The following B3GALT1 variants were observed in gnomAD, a reference collection of about 807,000 sequenced individuals.
B3GALT1 encodes the protein UDP-Gal:betaGlcNAc beta 1,3-galactosyltransferase, polypeptide 1.
B3GALT1 carries 10 observed loss-of-function variants against 23.2 expected under a neutral mutation model. The observed-to-expected ratio is 0.43, with a 90% confidence interval of 0.27 to 0.73. The LOEUF is 0.73. B3GALT1 is among the 30% of genes least tolerant of loss of function. B3GALT1 has a pLI of 0.21. For missense variants in B3GALT1, 299 were observed against 405.4 expected, an observed-to-expected ratio of 0.74 and a Z score of 2.25; for synonymous variants, 156 against 141.5, an observed-to-expected ratio of 1.10 and a Z score of -0.73.
In B3GALT1 at chr2:167,512,105, T is replaced by G. The variant is rs78929844; in HGVS notation, c.-410+21828T>G. ...TATGATAGAGGGCAAATTGTCAAATTCATGGCACACTTTGTATCACAGTAA... is the reference window on the plus strand; with the variant it reads ...TATGATAGAGGGCAAATTGTCAAATGCATGGCACACTTTGTATCACAGTAA... On this transcript the variant is annotated intron_variant, in intron 2 of 4. Coordinates refer to ENST00000392690, the MANE Select transcript of B3GALT1 (RefSeq NM_020981.4). Among the ~76,000 whole-genome samples, 398 of 152,258 alleles carry G rather than the reference T, an allele frequency of 2.6e-3. 1 individual carries two copies. The highest frequency in any genetic ancestry group is 8.9e-3 in the African/African-American group (370 of 41,576).
intron 4 of B3GALT1, among the ~76,000 whole-genome samples, chr2:167,863,992 G>A (rs994319946): frequency 2.7e-5 from 2 of 73,332 alleles, no homozygotes; most frequent in Non-Finnish European, 5.0e-5. Flanking sequence ...ATGTATGTAT[G>A]TGTGTGTGTG....
chr2:167,435,461 AAGC>A (rs1432728710), intron 1 of B3GALT1, among the ~76,000 whole-genome samples: 6 of 144,950 alleles, frequency 4.1e-5, no homozygotes, highest in Admixed American at 1.4e-4. Context: ...AAAAAAAAAA[AAGC>A]AGAGAAATAT....
intron 3 of B3GALT1, among the ~76,000 whole-genome samples, chr2:167,798,494 T>C: frequency 6.6e-6 from 1 of 152,250 alleles, no homozygotes; most frequent in East Asian, 1.9e-4. Flanking sequence ...ATTTTTATTT[T>C]CTGCACATGG....
At chr2:167,509,714 G>A (rs1699974681) in intron 2 of B3GALT1, among the ~76,000 whole-genome samples, 1 of 152,148 alleles carries the variant, frequency 6.6e-6, no homozygotes, top group African/African-American at 2.4e-5. Context: ...AGTGTGGCTG[G>A]AGCAGTGTGA....
intron 3 of B3GALT1, among the ~76,000 whole-genome samples, chr2:167,744,786 C>A (rs1305143367): frequency 6.6e-6 from 1 of 151,866 alleles, no homozygotes; most frequent in Non-Finnish European, 1.5e-5. Context: ...AACAGGGTTT[C>A]TCCATGTTGG....
At chr2:167,411,533 G>C (rs967506732) in intron 1 of B3GALT1, among the ~76,000 whole-genome samples, 1 of 152,106 alleles carries the variant, frequency 6.6e-6, no homozygotes, top group Non-Finnish European at 1.5e-5. Context: ...TCTCACCCCA[G>C]TTAAGACTGC....
intron 3 of B3GALT1, among the ~76,000 whole-genome samples, chr2:167,669,600 CAAATT>C (rs1401253208): frequency 6.6e-6 from 1 of 152,026 alleles, no homozygotes; most frequent in African/African-American, 2.4e-5. Context: ...TGGCTTTAAT[CAAATT>C]GAGGAAAAAG....
chr2:167,551,661 C>A (rs1449875123), intron 2 of B3GALT1, among the ~76,000 whole-genome samples: 9 of 152,150 alleles, frequency 5.9e-5, no homozygotes, highest in Non-Finnish European at 1.5e-5. Context: ...GTGCAGTCAT[C>A]TCCAGTCTGA....
chr2:167,410,452 C>CAG (rs1698372627), intron 1 of B3GALT1, among the ~76,000 whole-genome samples: 1 of 149,772 alleles, frequency 6.7e-6, no homozygotes, highest in Non-Finnish European at 1.5e-5. Context: ...GATCGCGCCA[C>CAG]TGCACTCCAG....
In B3GALT1 at chr2:167,810,495, G is replaced by C. The variant is rs762239199; in HGVS notation, c.-351-8177G>C. Among the ~76,000 whole-genome samples the C allele has an allele frequency of 2.0e-5, 3 of 150,984 alleles. 1 individual carries two copies. The highest frequency in any genetic ancestry group is 7.4e-5 in the African/African-American group (3 of 40,288). ...ATTTAGGAGCCAGACAAAGAAGAAGGAACAGATTGACTGCTTAAGGTATCA... is the reference window on the plus strand; with the variant it reads ...ATTTAGGAGCCAGACAAAGAAGAAGCAACAGATTGACTGCTTAAGGTATCA... On this transcript the variant is annotated intron_variant, in intron 3 of 4. Transcript: ENST00000392690.
chr2:167,657,491 CT>C (rs533671195), intron 3 of B3GALT1, among the ~76,000 whole-genome samples: 675 of 152,228 alleles, frequency 4.4e-3, no homozygotes, highest in Non-Finnish European at 6.7e-3. Flanking sequence ...AGGGATCACC[CT>C]GCTGATATAG....
intron 2 of B3GALT1, among the ~76,000 whole-genome samples, chr2:167,511,393 C>T (rs2105354331): frequency 6.6e-6 from 1 of 152,212 alleles, no homozygotes; most frequent in South Asian, 2.1e-4. Context: ...GGGGCTTCAC[C>T]CTTCACTGGA....
intron 3 of B3GALT1, among the ~76,000 whole-genome samples, chr2:167,743,438 TGTA>T (rs375041443): frequency 4.7e-4 from 72 of 152,242 alleles, no homozygotes; most frequent in Middle Eastern, 3.4e-3. Context: ...TATTTATCAT[TGTA>T]GTATTAATTT....
intron 2 of B3GALT1, among the ~76,000 whole-genome samples, chr2:167,503,765 T>G (rs1217573053): frequency 2.0e-5 from 3 of 152,210 alleles, no homozygotes; most frequent in Admixed American, 6.5e-5. Flanking sequence ...ACAGGAGGTC[T>G]CTAATGCCAT....
chr2:167,578,235 G>T (rs1415880830), intron 2 of B3GALT1, among the ~76,000 whole-genome samples: 2 of 151,934 alleles, frequency 1.3e-5, no homozygotes, highest in Admixed American at 1.3e-4. Flanking sequence ...TAGCAAGAGG[G>T]ACATACCCAA....
At chr2:167,328,969 C>T (rs112622404) in intron 1 of B3GALT1, among the ~76,000 whole-genome samples, 59 of 152,064 alleles carry the variant, frequency 3.9e-4, no homozygotes, top group Non-Finnish European at 5.6e-4. Flanking sequence ...CGCACCACCA[C>T]GCCTGGCTGA....
At chr2:167,767,352 C>G in intron 3 of B3GALT1, among the ~76,000 whole-genome samples, 1 of 152,210 alleles carries the variant, frequency 6.6e-6, no homozygotes, top group Admixed American at 6.5e-5. Flanking sequence ...CATTTCTTTG[C>G]GGCATTGTCC....
chr2:167,817,828 G>A (rs1324835697), intron 3 of B3GALT1, among the ~76,000 whole-genome samples: 1 of 152,198 alleles, frequency 6.6e-6, no homozygotes, highest in Non-Finnish European at 1.5e-5. Flanking sequence ...TATATAGCTT[G>A]AGACCCAAGA....
chr2:167,543,463 G>A (rs1683568283), intron 2 of B3GALT1, among the ~76,000 whole-genome samples: 1 of 151,976 alleles, frequency 6.6e-6, no homozygotes, highest in African/African-American at 2.4e-5. Flanking sequence ...TGCTGGGATG[G>A]GAGTTGGTAA....
Sources: allele counts gnomAD v4.1 joint callset (sites outside exome capture counted in the v4.1 genomes callset), GRCh38; gene constraint gnomAD v4.1.1; transcripts MANE v1.5; gene names NCBI Gene and HGNC (gene_info 2026-07-23, HGNC 2026-07-21).